Variants in CCDC148 observed in about 807,000 individuals in gnomAD.
CCDC148 encodes the protein coiled-coil domain containing 148, also known as coiled-coil domain-containing protein 148.
A neutral mutation model predicts 85.7 loss-of-function variants in CCDC148; 89 were observed. The observed-to-expected ratio is 1.04, with a 90% CI of 0.87 to 1.24. CCDC148 has a LOEUF of 1.24. Ranked by LOEUF, CCDC148 falls within the 50% of genes most tolerant of loss-of-function variation. The probability of loss-of-function intolerance (pLI) is 0.00; values close to 1 mark genes in which losing one functional copy is unlikely to be tolerated. For missense variants in CCDC148, 692 were observed against 671.7 expected (o/e 1.03, Z -0.33); for synonymous variants, 230 against 213.9 (o/e 1.08, Z -0.66).
chr2:158,176,220 T>C (rs1684575103), intron 13 of CCDC148, among the ~76,000 whole-genome samples: 1 of 151,846 alleles, frequency 6.6e-6, no homozygotes, highest in South Asian at 2.1e-4. Context: ...AATACAATAT[T>C]AATACAGAGC....
At chr2:158,284,987 T>A (rs879635313) in intron 9 of CCDC148, among the ~76,000 whole-genome samples, 1 of 152,126 alleles carries the variant, frequency 6.6e-6, no homozygotes. Context: ...ATAACTGATA[T>A]TAAGAATTCA....
chr2:158,225,949 T>C (rs531843033), intron 10 of CCDC148, among the ~76,000 whole-genome samples: 17 of 152,144 alleles, frequency 1.1e-4, no homozygotes, highest in African/African-American at 3.6e-4. Context: ...AAGAAATAAC[T>C]AAGATCAGAG....
chr2:158,197,316 G>A lies in CCDC148; in HGVS notation c.1371-18320C>T, dbSNP rs114950091. Among the ~76,000 whole-genome samples, 513 of 152,122 alleles carry A rather than the reference G, an allele frequency of 3.4e-3. 2 individuals are homozygous for A. Among genetic ancestry groups the A allele is most frequent in the African/African-American group, 0.012 (478 of 41,514 alleles). The stretch of plus-strand genomic sequence containing the variant: ...TGATCCCACAGAAGCTGAATTTGAA[G>A]GTAGAGAGTCTAATTACGAAAAAGT... On this transcript the variant is annotated intron_variant, in intron 11 of 13. Coordinates refer to ENST00000283233, the MANE Select transcript of CCDC148 (RefSeq NM_138803.4).
chr2:158,456,532 A>C lies in CCDC148; in HGVS notation c.-93T>G. The C allele has an allele frequency of 2.0e-6, 3 of 1,490,666 alleles. No homozygotes were observed. Among genetic ancestry groups the C allele is most frequent in the Non-Finnish European group, 2.7e-6 (3 of 1,100,826 alleles). 92.3% of individuals were successfully genotyped at this position (1,490,666 alleles called of 1,614,324 possible). On this transcript the variant is annotated 5_prime_UTR_variant, in exon 1 of 14. Coordinates refer to ENST00000283233, the MANE Select transcript of CCDC148 (RefSeq NM_138803.4). ...GGCTCTCGCCGTCAGGGGTACATCTAAGGGCTCAGCTGTTCCTACCTTTGA... is the reference window on the plus strand; with the variant it reads ...GGCTCTCGCCGTCAGGGGTACATCTCAGGGCTCAGCTGTTCCTACCTTTGA...
intron 1 of CCDC148, among the ~76,000 whole-genome samples, chr2:158,419,673 AC>A (rs977363886): frequency 2.0e-5 from 3 of 152,208 alleles, no homozygotes; most frequent in Admixed American, 2.0e-4. Context: ...GCTAAGCCAA[AC>A]AAGAAAAATA....
chr2:158,388,316 G>A (rs1685172256), intron 1 of CCDC148, among the ~76,000 whole-genome samples: 1 of 151,998 alleles, frequency 6.6e-6, no homozygotes, highest in Non-Finnish European at 1.5e-5. Flanking sequence ...ATAATTATGG[G>A]TAACCAATGA....
intron 11 of CCDC148, among the ~76,000 whole-genome samples, chr2:158,203,690 A>C (rs1686084434): frequency 6.6e-6 from 1 of 152,208 alleles, no homozygotes; most frequent in South Asian, 2.1e-4. Context: ...ATAAAAAATA[A>C]AGGAATTAAA....
intron 1 of CCDC148, among the ~76,000 whole-genome samples, chr2:158,431,557 A>G (rs1466106436): frequency 6.6e-6 from 1 of 152,188 alleles, no homozygotes; most frequent in African/African-American, 2.4e-5. Context: ...AATAAAGACA[A>G]AACAAAAAAT....
chr2:158,179,065 C>T, intron 11 of CCDC148, 69 bp from the exon 12 acceptor site: 1 of 1,173,410 alleles, frequency 8.5e-7, no homozygotes, highest in South Asian at 1.2e-5. Flanking sequence ...CAGAAAACAG[C>T]ATAGGGGCAG....
intron 11 of CCDC148, among the ~76,000 whole-genome samples, chr2:158,191,933 A>G: frequency 6.6e-6 from 1 of 151,988 alleles, no homozygotes. Flanking sequence ...CCTACCCTGT[A>G]GTTTTTTCAG....
intron 1 of CCDC148, among the ~76,000 whole-genome samples, chr2:158,379,485 C>T: frequency 6.6e-6 from 1 of 152,142 alleles, no homozygotes; most frequent in East Asian, 1.9e-4. Flanking sequence ...TTTGAGAAGG[C>T]TGACTCCAAT....
At chr2:158,412,622 T>C (rs1051048790) in intron 1 of CCDC148, among the ~76,000 whole-genome samples, 2 of 152,108 alleles carry the variant, frequency 1.3e-5, no homozygotes, top group African/African-American at 4.8e-5. Context: ...GCCAAAGTTA[T>C]AAATAATTGA....
chr2:158,432,838 C>A (rs961223880), intron 1 of CCDC148, among the ~76,000 whole-genome samples: 2 of 151,782 alleles, frequency 1.3e-5, no homozygotes, highest in African/African-American at 2.4e-5. Flanking sequence ...CTTTGGGAGG[C>A]CAAGGTGGGC....
At chr2:158,433,433 A>G (rs895088519) in intron 1 of CCDC148, among the ~76,000 whole-genome samples, 30 of 152,038 alleles carry the variant, frequency 2.0e-4, no homozygotes, top group Non-Finnish European at 3.8e-4. Flanking sequence ...TTGTATCAAA[A>G]TATGCAATGA....
At chr2:158,355,275 G>C (rs866326477) in intron 2 of CCDC148, among the ~76,000 whole-genome samples, 2 of 152,216 alleles carry the variant, frequency 1.3e-5, no homozygotes, top group South Asian at 4.1e-4. Context: ...ATTAGGAAAA[G>C]AGGAAGTCAA....
chr2:158,333,835 G>T (rs1693277610), intron 7 of CCDC148, among the ~76,000 whole-genome samples: 1 of 151,942 alleles, frequency 6.6e-6, no homozygotes, highest in South Asian at 2.1e-4. Context: ...TCTTGATTAT[G>T]GTAAGTCTTG....
At chr2:158,245,651 T>A (rs74408182) in intron 10 of CCDC148, among the ~76,000 whole-genome samples, 3,568 of 152,186 alleles carry the variant, frequency 0.023, 66 homozygotes, top group South Asian at 0.041. Context: ...AGCAACAACA[T>A]CTCCTAAACC....
chr2:158,228,800 G>T (rs1340199869), intron 10 of CCDC148, among the ~76,000 whole-genome samples: 7 of 137,948 alleles, frequency 5.1e-5, no homozygotes, highest in Non-Finnish European at 9.4e-5. Flanking sequence ...ACACACCCGG[G>T]CCTGTTGTGG....
intron 11 of CCDC148, among the ~76,000 whole-genome samples, chr2:158,198,177 C>T (rs923867378): frequency 6.6e-6 from 1 of 152,214 alleles, no homozygotes; most frequent in Middle Eastern, 3.4e-3. Context: ...AAGAAAACAC[C>T]TGACTCATCC....
Sources: gnomAD v4.1 joint callset for allele counts (sites outside exome capture counted in the v4.1 genomes callset) on GRCh38, gnomAD v4.1.1 for gene constraint, MANE v1.5 for transcripts, NCBI Gene and HGNC (gene_info 2026-07-23, HGNC 2026-07-21) for gene names.